SV2C: variants seen among roughly 807,000 people sequenced by gnomAD.
The protein encoded by SV2C is synaptic vesicle glycoprotein 2C.
In SV2C, 49 loss-of-function variants were observed where a neutral mutation model predicts 79.7. The ratio of observed to expected loss-of-function variants is 0.61; its 90% confidence interval spans 0.49 to 0.78. The LOEUF (loss-of-function observed/expected upper bound fraction) is 0.78. Ranked by LOEUF, SV2C falls within the 30% of genes least tolerant of loss-of-function variation. The pLI is 0.00. For synonymous variants in SV2C, 334 were observed against 333.2 expected (o/e 1.00, Z -0.03); for missense variants, 833 against 912.9 (o/e 0.91, Z 1.13).
At chr5:76,017,542 G>T in the SV2C span, among the ~76,000 whole-genome samples, 1 of 152,126 alleles carries the variant, frequency 6.6e-6, no homozygotes, top group East Asian at 1.9e-4. Context: ...GCCTCCCAAA[G>T]TGCTGGGATT....
Position 76,329,943 on chromosome 5 carries a change from A to C in SV2C, c.*4396A>C, listed in dbSNP as rs1749125658. 1 of 152,050 alleles carries C rather than the reference A, an allele frequency of 6.6e-6. No homozygotes were observed. The highest frequency in any genetic ancestry group is 1.5e-5 in the Non-Finnish European group (1 of 68,010). 9.4% of individuals were successfully genotyped at this position (152,050 alleles called of 1,614,324 possible). A position where few individuals can be genotyped will look rare whatever the true frequency, so the allele number is the denominator to read the frequency against. On this transcript the variant is annotated 3_prime_UTR_variant, in exon 13 of 13. Coordinates refer to ENST00000502798, the MANE Select transcript of SV2C (RefSeq NM_014979.4). ...CTTAGTCTGGTTACTAAGCCTAAAA[A>C]CACCAGTATTGCAACAACTTCTGAA...
At chr5:75,945,612 C>G in the SV2C span, among the ~76,000 whole-genome samples, 3 of 152,034 alleles carry the variant, frequency 2.0e-5, no homozygotes, top group African/African-American at 7.2e-5. Context: ...AACCACCATG[C>G]CTGCCCAAAA....
At chr5:75,907,093 A>G in the SV2C span, among the ~76,000 whole-genome samples, 1 of 152,204 alleles carries the variant, frequency 6.6e-6, no homozygotes, top group Non-Finnish European at 1.5e-5. Flanking sequence ...TTAGCCAATC[A>G]AAGTGGCCAG....
At chr5:76,000,308 A>G in the SV2C span, among the ~76,000 whole-genome samples, 1 of 152,176 alleles carries the variant, frequency 6.6e-6, no homozygotes, top group Non-Finnish European at 1.5e-5. Flanking sequence ...AGAAAGAAAC[A>G]CAGAGGGAAG....
At chr5:75,885,522 A>T in the SV2C span, among the ~76,000 whole-genome samples, 1 of 152,236 alleles carries the variant, frequency 6.6e-6, no homozygotes, top group Admixed American at 6.5e-5. Context: ...GGGATATGAG[A>T]AGCAAGAAAA....
the SV2C span, among the ~76,000 whole-genome samples, chr5:75,966,225 A>T: frequency 6.6e-6 from 1 of 152,244 alleles, no homozygotes; most frequent in South Asian, 2.1e-4. Context: ...GTTAGTTATG[A>T]TTGAGATTTA....
At chr5:75,970,828 G>A in the SV2C span, among the ~76,000 whole-genome samples, 2 of 152,044 alleles carry the variant, frequency 1.3e-5, no homozygotes, top group African/African-American at 4.8e-5. Context: ...ATTTTATGAG[G>A]CCAGCATCAT....
the SV2C span, among the ~76,000 whole-genome samples, chr5:75,934,036 C>T: frequency 3.8e-4 from 58 of 152,304 alleles, no homozygotes; most frequent in African/African-American, 1.4e-3. Context: ...AGGATTATCA[C>T]ATTCAATTCT....
rs147236610 is a variant in SV2C, at chr5:76,164,584, T to A, written c.581-30335T>A. On this transcript the variant is annotated intron_variant, in intron 2 of 12. Transcript: ENST00000502798. ...GTGACTAAGCTGGTTTTTGGTCTTTTGGTTTTCTTAATACCAAGGCTTTTT... is the reference window on the plus strand; with the variant it reads ...GTGACTAAGCTGGTTTTTGGTCTTTAGGTTTTCTTAATACCAAGGCTTTTT... 9.9e-4 allele frequency among the ~76,000 whole-genome samples: 151 copies of A among 152,356 alleles called. 1 individual carries two copies. Among genetic ancestry groups the A allele is most frequent in the African/African-American group, 2.0e-3 (83 of 41,578 alleles).
At chr5:76,276,872 T>A (rs1327205759) in intron 4 of SV2C, among the ~76,000 whole-genome samples, 2 of 152,110 alleles carry the variant, frequency 1.3e-5, no homozygotes, top group African/African-American at 4.8e-5. Flanking sequence ...TCTGGCCTTG[T>A]CTGTTAACAT....
chr5:76,277,682 C>T (rs1030390002), intron 4 of SV2C, among the ~76,000 whole-genome samples: 2 of 151,638 alleles, frequency 1.3e-5, no homozygotes, highest in African/African-American at 4.9e-5. Flanking sequence ...AGGAGAATCA[C>T]TTGGGAAGCC....
At chr5:75,910,246 T>A in the SV2C span, 2 of 441,808 alleles carry the variant, frequency 4.5e-6, no homozygotes, top group Admixed American at 2.5e-5. Context: ...CTGGGCAACA[T>A]GGCGAAACCT....
the SV2C span, among the ~76,000 whole-genome samples, chr5:76,001,219 G>C: frequency 6.6e-6 from 1 of 152,304 alleles, no homozygotes; most frequent in Admixed American, 6.5e-5. Context: ...GAGAGGAAGA[G>C]GGTCTGGGGG....
At chr5:76,136,436 C>T (rs778114784) in intron 2 of SV2C, among the ~76,000 whole-genome samples, 11 of 152,200 alleles carry the variant, frequency 7.2e-5, no homozygotes, top group Non-Finnish European at 1.3e-4. Context: ...AGAGGATATT[C>T]TGATTAGTAT....
chr5:76,028,653 T>C, the SV2C span, among the ~76,000 whole-genome samples: 3 of 152,190 alleles, frequency 2.0e-5, no homozygotes, highest in African/African-American at 7.2e-5. Flanking sequence ...TTCTATGTGA[T>C]TCTGATGATT....
chr5:76,047,858 C>T, the SV2C span, among the ~76,000 whole-genome samples: 2 of 150,938 alleles, frequency 1.3e-5, no homozygotes, highest in South Asian at 2.1e-4. Context: ...CTCCGCCTCC[C>T]GGGTTCACTC....
At chr5:75,858,431 C>G in the SV2C span, among the ~76,000 whole-genome samples, 4 of 152,136 alleles carry the variant, frequency 2.6e-5, no homozygotes, top group Non-Finnish European at 5.9e-5. Context: ...GTTGAACCAT[C>G]CTTGCATCCC....
At chr5:76,132,922 C>T (rs1481673364) in intron 2 of SV2C, among the ~76,000 whole-genome samples, 1 of 151,624 alleles carries the variant, frequency 6.6e-6, no homozygotes, top group Non-Finnish European at 1.5e-5. Flanking sequence ...AGCTGTGTAA[C>T]TTTGTGCCCA....
intron 2 of SV2C, among the ~76,000 whole-genome samples, chr5:76,138,715 G>T (rs1749145937): frequency 6.6e-6 from 1 of 152,068 alleles, no homozygotes; most frequent in Non-Finnish European, 1.5e-5. Flanking sequence ...ATCAGTGTGT[G>T]GTACATAATA....
Sources: allele counts gnomAD v4.1 joint callset (sites outside exome capture counted in the v4.1 genomes callset), GRCh38; gene constraint gnomAD v4.1.1; transcripts MANE v1.5; gene names NCBI Gene and HGNC (gene_info 2026-07-23, HGNC 2026-07-21).